AKAP13: variants seen among roughly 807,000 people sequenced by gnomAD.
AKAP13 encodes the protein A-kinase anchoring protein 13, also known as A-kinase anchor protein 13.
AKAP13 carries 80 observed loss-of-function variants against 264.5 expected under a neutral mutation model. That is an observed-to-expected ratio of 0.30 (90% CI 0.25 to 0.36). AKAP13 has a LOEUF of 0.36. Among genes scored for constraint, AKAP13 ranks in the 10% least tolerant of loss-of-function variants. The probability of loss-of-function intolerance (pLI) is 1.00; values close to 1 mark genes in which losing one functional copy is unlikely to be tolerated. For missense variants in AKAP13, 3,712 were observed against 3,435.2 expected (o/e 1.08, Z -2.01); for synonymous variants, 1,380 against 1,250.2 (o/e 1.10, Z -2.19).
chr15:85,423,195 TA>T (rs2072604614), intron 1 of AKAP13, among the ~76,000 whole-genome samples: 1 of 152,150 alleles, frequency 6.6e-6, no homozygotes, highest in Admixed American at 6.5e-5. Context: ...GGCAATTTCT[TA>T]AAATAAGACA....
At chr15:85,700,282 T>G (rs2085833980) in intron 17 of AKAP13, among the ~76,000 whole-genome samples, 1 of 152,172 alleles carries the variant, frequency 6.6e-6, no homozygotes, top group Admixed American at 6.5e-5. Context: ...CTAAGCCCAT[T>G]TTTGCTTTCT....
chr15:85,654,813 G>A (rs1311979057), intron 10 of AKAP13, among the ~76,000 whole-genome samples: 1 of 151,978 alleles, frequency 6.6e-6, no homozygotes, highest in Non-Finnish European at 1.5e-5. Context: ...GACAGAGTGA[G>A]ACCCTGTCTC....
At chr15:85,666,225 G>A (rs560921741) in intron 13 of AKAP13, among the ~76,000 whole-genome samples, 1 of 152,258 alleles carries the variant, frequency 6.6e-6, no homozygotes, top group Admixed American at 6.5e-5. Context: ...ATTCTAACTG[G>A]TGTGAGATGG....
rs1048943563 is a variant in AKAP13, at chr15:85,575,271, C to G, written c.803C>G (p.Pro268Arg). ...ESDSHHEHPF[P>R]GDGCTGPIFK... ...GATTCACATCATGAACACCCATTTC[C>G]TGGAGACGGTTGCACTGGACCAATT... Residue 268 changes from proline to arginine, a missense_variant, in exon 6 of 37, where the codon CCT (proline) becomes CGT (arginine). Physicochemically the swap from Pro to Arg is moderately radical, Grantham distance 103. Around this residue, in one of 3 missense-constraint regions of AKAP13, gnomAD observed 2,759 missense variants for 2,411.7 expected, o/e 1.14. Coordinates refer to ENST00000394518, the MANE Select transcript of AKAP13 (RefSeq NM_007200.5). The G allele has an allele frequency of 1.9e-6, 3 of 1,614,050 alleles. No individual in the cohort carries two copies. The highest frequency in any genetic ancestry group is 2.5e-6 in the Non-Finnish European group (3 of 1,180,040).
At position 85,619,418 on chromosome 15, in the gene AKAP13, A is replaced by G; in HGVS notation, c.4162-19956A>G. On this transcript the variant is annotated intron_variant, in intron 8 of 36. Transcript: ENST00000394518. The stretch of plus-strand genomic sequence containing the variant: ...TTTTCCCTTTTACTCTGCTGTCCTT[A>G]GAGATTTTCAACTTAAATCAAAACC... 4.1e-6 allele frequency: 4 copies of G among 985,302 alleles called. 1 individual carries two copies. Among genetic ancestry groups the G allele is most frequent in the Non-Finnish European group, 4.8e-6 (4 of 829,912 alleles). 61.0% of individuals were successfully genotyped at this position (985,302 alleles called of 1,614,324 possible).
Position 85,741,280 on chromosome 15 carries a change from C to G in AKAP13, c.7843C>G (p.Arg2615Gly), listed in dbSNP as rs1325948576. The G allele has an allele frequency of 6.2e-7, 1 of 1,610,234 alleles. No individual in the cohort carries two copies. Among genetic ancestry groups the G allele is most frequent in the Non-Finnish European group, 8.5e-7 (1 of 1,178,416 alleles). ...AGCTCGTGAGAGGGAGCTGCGGGAG[C>G]GGGAGGCCCTCCTGGCCCAGCGCGA... Reference protein sequence around the residue: ...WEARERELREREALLAQREEE... With the variant: ...WEARERELREGEALLAQREEE... The change falls in exon 35 of 37, where the codon CGG becomes GGG. Residue 2615 changes from arginine to glycine, a missense_variant. Transcript: ENST00000394518.
chr15:85,584,900 C>T (rs1004799053), intron 7 of AKAP13, among the ~76,000 whole-genome samples: 1 of 152,150 alleles, frequency 6.6e-6, no homozygotes, highest in Non-Finnish European at 1.5e-5. Context: ...TGAATTTTGA[C>T]TGTTCAATCA....
rs1403892122 is a variant in AKAP13, at chr15:85,669,754, T to C, written c.5025T>C (p.Asn1675=). ...ICHRSKQQGF[N]YCTSAISSPL... is the part of the protein sequence containing the mutation. ...ACAGATCTAAGCAGCAGGGATTTAATTACTGTACATCAGCCATTTCCTCTC... is the reference window on the plus strand; with the variant it reads ...ACAGATCTAAGCAGCAGGGATTTAACTACTGTACATCAGCCATTTCCTCTC... Residue 1675 remains asparagine, a synonymous_variant, in exon 14 of 37, where the codon AAT becomes AAC. Transcript: ENST00000394518. The C allele has an allele frequency of 6.2e-7, 1 of 1,613,450 alleles. No homozygotes were observed. The highest frequency in any genetic ancestry group is 1.3e-5 in the African/African-American group (1 of 74,928).
At chr15:85,525,120 G>A (rs372073481) in intron 3 of AKAP13, among the ~76,000 whole-genome samples, 3 of 147,564 alleles carry the variant, frequency 2.0e-5, no homozygotes, top group South Asian at 2.1e-4. Flanking sequence ...GTGCAGTGGC[G>A]CGATCTCGGC....
chr15:85,543,746 A>T, intron 4 of AKAP13, 26 bp from the exon 5 acceptor site: 1 of 1,571,810 alleles, frequency 6.4e-7, no homozygotes, highest in Admixed American at 1.9e-5. Flanking sequence ...TTCCTCACTT[A>T]CGTTCATTTT....
chr15:85,690,282 G>T (rs908521738), intron 16 of AKAP13, among the ~76,000 whole-genome samples: 1 of 152,144 alleles, frequency 6.6e-6, no homozygotes, highest in African/African-American at 2.4e-5. Context: ...GGATAAGCTG[G>T]TTGCCATAAA....
At chr15:85,722,377 T>C in intron 25 of AKAP13, 30 bp downstream of exon 25, 1 of 1,574,854 alleles carries the variant, frequency 6.3e-7, no homozygotes, top group Non-Finnish European at 8.7e-7. Context: ...CGGTCTTGTA[T>C]GGTCATGGAC....
intron 14 of AKAP13, among the ~76,000 whole-genome samples, chr15:85,677,388 C>T (rs2084284534): frequency 6.6e-6 from 1 of 152,148 alleles, no homozygotes; most frequent in East Asian, 1.9e-4. Context: ...GTTCCCATCC[C>T]ATTGTGTACT....
intron 33 of AKAP13, among the ~76,000 whole-genome samples, chr15:85,739,431 G>C (rs1034808594): frequency 3.9e-5 from 6 of 151,990 alleles, no homozygotes; most frequent in Admixed American, 1.3e-4. Context: ...GTAAATTGCT[G>C]GTTTGTGTTC....
chr15:85,624,906 A>T (rs1328177263), intron 8 of AKAP13, among the ~76,000 whole-genome samples: 1 of 152,206 alleles, frequency 6.6e-6, no homozygotes, highest in Non-Finnish European at 1.5e-5. Context: ...AGTAACCTGG[A>T]TAGGTCTGGC....
At chr15:85,600,701 A>G (rs951167068) in intron 8 of AKAP13, among the ~76,000 whole-genome samples, 2 of 152,242 alleles carry the variant, frequency 1.3e-5, no homozygotes, top group Non-Finnish European at 2.9e-5. Flanking sequence ...TTTTAAAGGA[A>G]TATATTCCCC....
chr15:85,694,849 C>T (rs532793252), intron 17 of AKAP13, among the ~76,000 whole-genome samples: 128 of 152,328 alleles, frequency 8.4e-4, no homozygotes, highest in African/African-American at 3.0e-3. Context: ...ATTCAGATGT[C>T]AAGGAGCAAC....
rs1038807466 is a variant in AKAP13, at chr15:85,703,616, T to C, written c.5465-4403T>C. Among the ~76,000 whole-genome samples the C allele has an allele frequency of 6.6e-5, 10 of 152,056 alleles. No individual in the cohort carries two copies. In the South Asian group the frequency reaches 1.9e-3, roughly 28 times the overall value. On this transcript the variant is annotated intron_variant, in intron 17 of 36. Coordinates refer to ENST00000394518, the MANE Select transcript of AKAP13 (RefSeq NM_007200.5). ...CAGCACTTTGGAAGGCTGAGGCGGG[T>C]GGATCACCTGAGGTTAGGAGTTTGA...
At chr15:85,532,676 T>C (rs2151189046) in intron 3 of AKAP13, among the ~76,000 whole-genome samples, 1 of 152,328 alleles carries the variant, frequency 6.6e-6, no homozygotes, top group African/African-American at 2.4e-5. Context: ...ATATTGGAAA[T>C]ATTTAATTCT....
Sources: gnomAD v4.1 joint callset for allele counts (sites outside exome capture counted in the v4.1 genomes callset) on GRCh38, gnomAD v4.1.1 for gene constraint, gnomAD v4.1.1 regional missense constraint, MANE v1.5 for transcripts, NCBI Gene and HGNC (gene_info 2026-07-23, HGNC 2026-07-21) for gene names.